Variants in NRG1 observed in about 807,000 individuals in gnomAD.
The protein encoded by NRG1 is pro-neuregulin-1, membrane-bound isoform.
NRG1 carries 18 observed loss-of-function variants against 63.8 expected under a neutral mutation model. The observed-to-expected ratio is 0.28, with a 90% confidence interval of 0.19 to 0.42. The LOEUF is 0.42. NRG1 is among the 10% of genes least tolerant of loss of function. NRG1 has a pLI of 1.00. For missense variants in NRG1, 762 were observed against 814.7 expected (o/e 0.94, Z 0.79); for synonymous variants, 302 against 301.3 (o/e 1.00, Z -0.02).
rs371868128 is a variant in NRG1 at position 31,673,282 on chromosome 8, A to G, written c.37+33851A>G. On this transcript the variant is annotated intron_variant, in intron 1 of 10. Transcript: ENST00000519301. ...TTCTGATGACCTCATTTAGAGAAAC[A>G]CTGATTCTCTTTCCACTCTTGTATA... Among the ~76,000 whole-genome samples, 19 of 152,246 alleles carry G rather than the reference A, an allele frequency of 1.2e-4. No individual in the cohort carries two copies. In the South Asian group the frequency reaches 3.9e-3, roughly 32 times the overall value.
chr8:32,558,753 GT>G, intron 1 of NRG1, among the ~76,000 whole-genome samples: 1 of 152,228 alleles, frequency 6.6e-6, no homozygotes, highest in East Asian at 1.9e-4. Flanking sequence ...GGATGGCATA[GT>G]TGCTGAGTAA....
chr8:32,638,003 CGAGA>C (rs1851651028), intron 5 of NRG1, among the ~76,000 whole-genome samples: 1 of 152,024 alleles, frequency 6.6e-6, no homozygotes, highest in African/African-American at 2.4e-5. Flanking sequence ...TGGCTCTAGG[CGAGA>C]GAAAGTCTAA....
At chr8:32,328,043 A>C (rs1802213643) in intron 1 of NRG1, among the ~76,000 whole-genome samples, 1 of 152,192 alleles carries the variant, frequency 6.6e-6, no homozygotes, top group Non-Finnish European at 1.5e-5. Flanking sequence ...GACCTTTTTG[A>C]GTACAGAATG....
At chr8:32,769,103 T>C (rs1831625599), downstream of NRG1, among the ~76,000 whole-genome samples, 1 of 152,222 alleles carries the variant, frequency 6.6e-6, no homozygotes, top group Non-Finnish European at 1.5e-5. Context: ...CCACACTCTT[T>C]CACTTGCTCT....
intron 1 of NRG1, among the ~76,000 whole-genome samples, chr8:31,761,598 G>C (rs140906290): frequency 1.3e-5 from 2 of 152,126 alleles, no homozygotes; most frequent in African/African-American, 4.8e-5. Flanking sequence ...GGCCAGAGGA[G>C]AGGGAGTGAG....
At chr8:32,385,586 A>G (rs182679356) in intron 1 of NRG1, among the ~76,000 whole-genome samples, 1 of 152,172 alleles carries the variant, frequency 6.6e-6, no homozygotes, top group African/African-American at 2.4e-5. Context: ...CACGTCTTAC[A>G]TGGTAGGAAC....
At chr8:32,559,083 GAAA>G (rs35947086) in intron 1 of NRG1, among the ~76,000 whole-genome samples, 19,827 of 86,710 alleles carry the variant, frequency 0.23, 2,220 homozygotes, top group Admixed American at 0.35. Context: ...TTGTCTCAGC[GAAA>G]AAAAAAAAAA....
At chr8:32,665,079 C>T (rs1386689415) in intron 5 of NRG1, among the ~76,000 whole-genome samples, 1 of 152,108 alleles carries the variant, frequency 6.6e-6, no homozygotes, top group Non-Finnish European at 1.5e-5. Flanking sequence ...TACTTTTTGA[C>T]ATTATTCATT....
At chr8:31,767,847 C>CAAAA (rs55792550) in intron 1 of NRG1, among the ~76,000 whole-genome samples, 4 of 104,410 alleles carry the variant, frequency 3.8e-5, no homozygotes, top group Non-Finnish European at 3.7e-5. Flanking sequence ...AACTCTTTCT[C>CAAAA]AAAAAAAAAA....
chr8:32,347,400 G>A (rs929316368), intron 1 of NRG1, among the ~76,000 whole-genome samples: 2 of 152,018 alleles, frequency 1.3e-5, no homozygotes, highest in African/African-American at 4.8e-5. Flanking sequence ...AACCCTGCAG[G>A]GTGTTCAATA....
downstream of NRG1, among the ~76,000 whole-genome samples, chr8:32,772,003 A>G (rs1831838649): frequency 3.2e-5 from 4 of 123,742 alleles, no homozygotes; most frequent in African/African-American, 5.9e-5. Flanking sequence ...AGCCTTGGTG[A>G]CAAGAGTGAA....
intron 1 of NRG1, among the ~76,000 whole-genome samples, chr8:31,709,101 AT>A (rs761447774): frequency 5.1e-4 from 77 of 151,320 alleles, no homozygotes; most frequent in Non-Finnish European, 9.9e-4. Flanking sequence ...ATAAAAGTGG[AT>A]TTTTGGAGTT....
At chr8:32,287,099 A>T (rs188251772) in intron 1 of NRG1, 1 of 152,402 alleles carries the variant, frequency 6.6e-6, no homozygotes, top group Non-Finnish European at 1.5e-5. Context: ...GCCCTGCCAC[A>T]GGTATTTCTT....
chr8:32,760,705 C>A, intron 11 of NRG1: 1 of 1,164,840 alleles, frequency 8.6e-7, no homozygotes, highest in Non-Finnish European at 1.1e-6. Flanking sequence ...CAGACCCACT[C>A]GGGGTCTCAG....
chr8:32,526,159 A>G (rs1248991598), intron 1 of NRG1, among the ~76,000 whole-genome samples: 1 of 152,190 alleles, frequency 6.6e-6, no homozygotes, highest in South Asian at 2.1e-4. Flanking sequence ...ACAAGGCTGC[A>G]GTGAGGTGCT....
intron 6 of NRG1, among the ~76,000 whole-genome samples, chr8:32,736,947 A>G (rs1825221425): frequency 6.6e-6 from 1 of 152,196 alleles, no homozygotes; most frequent in Non-Finnish European, 1.5e-5. Context: ...TACACCAAGC[A>G]TTAAGTTTAT....
intron 5 of NRG1, among the ~76,000 whole-genome samples, chr8:32,723,711 A>G (rs1011997780): frequency 2.2e-4 from 33 of 147,580 alleles, no homozygotes; most frequent in African/African-American, 7.6e-4. Flanking sequence ...AAAAAAAAAA[A>G]AAAAAAACAA....
intron 1 of NRG1, among the ~76,000 whole-genome samples, chr8:32,447,872 A>G (rs565535754): frequency 6.6e-6 from 1 of 152,030 alleles, no homozygotes; most frequent in Admixed American, 6.6e-5. Context: ...AAATACGTAA[A>G]GCAACAGTTT....
intron 1 of NRG1, among the ~76,000 whole-genome samples, chr8:32,356,478 C>T (rs1381923735): frequency 8.3e-6 from 1 of 121,210 alleles, no homozygotes; most frequent in Non-Finnish European, 1.8e-5. Context: ...GTTGGGACCC[C>T]CCCCCCACCC....
Sources: allele counts gnomAD v4.1 joint callset (sites outside exome capture counted in the v4.1 genomes callset), GRCh38; gene constraint gnomAD v4.1.1; transcripts MANE v1.5; gene names NCBI Gene and HGNC (gene_info 2026-07-23, HGNC 2026-07-21).